AGBL4: variants seen among roughly 807,000 people sequenced by gnomAD.
AGBL4 encodes cytosolic carboxypeptidase 6.
A neutral mutation model predicts 66.4 loss-of-function variants in AGBL4; 58 were observed. The ratio of observed to expected loss-of-function variants is 0.87; its 90% confidence interval spans 0.71 to 1.09. The LOEUF is 1.09. AGBL4 is among the 50% of genes least tolerant of loss of function. AGBL4 has a pLI of 0.00. For missense variants in AGBL4, 579 were observed against 631.0 expected (o/e 0.92, Z 0.88); for synonymous variants, 234 against 222.9 (o/e 1.05, Z -0.44).
chr1:49,415,345 A>G (rs2148633112), intron 3 of AGBL4, among the ~76,000 whole-genome samples: 1 of 152,304 alleles, frequency 6.6e-6, no homozygotes, highest in South Asian at 2.1e-4. Flanking sequence ...AAAATATTCA[A>G]TAGAATAAAA....
intron 5 of AGBL4, among the ~76,000 whole-genome samples, chr1:48,960,713 T>G (rs768227577): frequency 3.3e-4 from 50 of 152,230 alleles, no homozygotes; most frequent in Non-Finnish European, 5.0e-4. Flanking sequence ...TCATGGAAAG[T>G]ATTGACATAG....
At chr1:48,760,970 A>C (rs1349928539) in intron 6 of AGBL4, 1 of 172,426 alleles carries the variant, frequency 5.8e-6, no homozygotes, top group Non-Finnish European at 1.2e-5. Context: ...GCACTCTGAC[A>C]GTGACTGGCC....
chr1:49,119,777 A>AGTGGG (rs1415121243), intron 4 of AGBL4, among the ~76,000 whole-genome samples: 1 of 148,514 alleles, frequency 6.7e-6, no homozygotes, highest in African/African-American at 2.4e-5. Context: ...CTTGTTGTGC[A>AGTGGG]GTGTTAAAGT....
intron 1 of AGBL4, among the ~76,000 whole-genome samples, chr1:49,894,124 G>A (rs1357849940): frequency 6.6e-6 from 1 of 152,152 alleles, no homozygotes; most frequent in Non-Finnish European, 1.5e-5. Context: ...ACACAACCAA[G>A]GCAGTACCTC....
At chr1:49,914,636 G>A (rs980964057) in intron 1 of AGBL4, among the ~76,000 whole-genome samples, 3 of 152,050 alleles carry the variant, frequency 2.0e-5, no homozygotes, top group Non-Finnish European at 2.9e-5. Context: ...TATCTATTAC[G>A]CAGATCCAAA....
chr1:49,934,879 C>G (rs183461889), intron 1 of AGBL4, among the ~76,000 whole-genome samples: 1 of 151,950 alleles, frequency 6.6e-6, no homozygotes, highest in Non-Finnish European at 1.5e-5. Context: ...GGAACAGCTC[C>G]GATCTACAGC....
intron 6 of AGBL4, among the ~76,000 whole-genome samples, chr1:48,712,082 TTCTC>T (rs1200488570): frequency 2.6e-5 from 4 of 152,144 alleles, no homozygotes; most frequent in Admixed American, 6.5e-5. Context: ...GCTTCCTCCT[TTCTC>T]TCTGAATCCT....
intron 5 of AGBL4, among the ~76,000 whole-genome samples, chr1:49,024,947 T>C (rs994261755): frequency 1.3e-5 from 2 of 152,150 alleles, no homozygotes; most frequent in Non-Finnish European, 2.9e-5. Flanking sequence ...TCGTTCTACT[T>C]ACATTTTAAC....
intron 1 of AGBL4, among the ~76,000 whole-genome samples, chr1:49,867,543 A>G (rs909884602): frequency 2.3e-5 from 3 of 129,480 alleles, no homozygotes; most frequent in African/African-American, 8.9e-5. Context: ...CCTGTGTCCA[A>G]GTGTTCTTAT....
chr1:49,467,127 C>T (rs923364178), intron 3 of AGBL4, among the ~76,000 whole-genome samples: 8 of 151,670 alleles, frequency 5.3e-5, no homozygotes, highest in Admixed American at 2.0e-4. Context: ...GGCAGCCAAA[C>T]GTAAAAGTCA....
At chr1:48,775,762 T>C (rs578146589) in intron 6 of AGBL4, among the ~76,000 whole-genome samples, 2 of 152,326 alleles carry the variant, frequency 1.3e-5, no homozygotes, top group African/African-American at 2.4e-5. Flanking sequence ...TGAACCTCAG[T>C]ACCCTCATCT....
chr1:48,978,928 A>G (rs1659546646), intron 5 of AGBL4, among the ~76,000 whole-genome samples: 1 of 152,180 alleles, frequency 6.6e-6, no homozygotes, highest in Non-Finnish European at 1.5e-5. Flanking sequence ...CTGTGCACTC[A>G]AGATAAAGGT....
intron 9 of AGBL4, among the ~76,000 whole-genome samples, chr1:48,618,642 G>T (rs977580594): frequency 6.6e-6 from 1 of 152,198 alleles, no homozygotes; most frequent in Admixed American, 6.5e-5. Context: ...CCAAGTTGGG[G>T]ATGTGTACAT....
chr1:49,721,397 A>G (rs1332994234), intron 2 of AGBL4, among the ~76,000 whole-genome samples: 1 of 152,132 alleles, frequency 6.6e-6, no homozygotes, highest in Non-Finnish European at 1.5e-5. Context: ...CGAAGGCTTC[A>G]TTCTTGAAGT....
chr1:48,665,189 C>T (rs1203963055), intron 6 of AGBL4, among the ~76,000 whole-genome samples: 1 of 152,216 alleles, frequency 6.6e-6, no homozygotes, highest in African/African-American at 2.4e-5. Context: ...TGAGAACTCA[C>T]TCTGCTCAGC....
At chr1:48,567,778 C>G (rs926063919) in intron 11 of AGBL4, among the ~76,000 whole-genome samples, 2 of 152,156 alleles carry the variant, frequency 1.3e-5, no homozygotes, top group Non-Finnish European at 1.5e-5. Flanking sequence ...TGGACCCTCA[C>G]AGTGCTAAGC....
intron 4 of AGBL4, among the ~76,000 whole-genome samples, chr1:49,176,923 G>T (rs1378094752): frequency 1.2e-4 from 19 of 152,058 alleles, no homozygotes; most frequent in Admixed American, 1.2e-3. Flanking sequence ...ATCATGATGT[G>T]CTCCCATATT....
intron 3 of AGBL4, among the ~76,000 whole-genome samples, chr1:49,452,544 A>G (rs11583894): frequency 0.023 from 3,422 of 151,920 alleles, 57 homozygotes; most frequent in Non-Finnish European, 0.035. Flanking sequence ...CACACAGTAC[A>G]TGCTTTTACC....
chr1:49,785,124 A>G (rs1295995493), intron 2 of AGBL4, among the ~76,000 whole-genome samples: 1 of 152,086 alleles, frequency 6.6e-6, no homozygotes, highest in Admixed American at 6.5e-5. Context: ...CTAAAAGACT[A>G]GAATTTATAG....
Sources: gnomAD v4.1 joint callset for allele counts (sites outside exome capture counted in the v4.1 genomes callset) on GRCh38, gnomAD v4.1.1 for gene constraint, MANE v1.5 for transcripts, NCBI Gene and HGNC (gene_info 2026-07-23, HGNC 2026-07-21) for gene names.